Variants in SLC30A8 observed in about 807,000 individuals in gnomAD.
SLC30A8 encodes solute carrier family 30 member 8, also known as proton-coupled zinc antiporter SLC30A8.
In SLC30A8, 27 loss-of-function variants were observed where a neutral mutation model predicts 36.9. The ratio of observed to expected loss-of-function variants is 0.73; its 90% CI spans 0.54 to 1.01. The LOEUF is 1.01. Among genes scored for constraint, SLC30A8 ranks in the 50% least tolerant of loss-of-function variants. SLC30A8 has a pLI of 0.00. For missense variants in SLC30A8, 439 were observed against 452.0 expected, an observed-to-expected ratio of 0.97 and a Z score of 0.26; for synonymous variants, 164 against 172.4, an observed-to-expected ratio of 0.95 and a Z score of 0.38.
At chr8:117,094,936 C>T (rs1368248939) in intron 2 of SLC30A8, among the ~76,000 whole-genome samples, 3 of 152,248 alleles carry the variant, frequency 2.0e-5, no homozygotes, top group African/African-American at 7.2e-5. Flanking sequence ...TGAGTGTGTG[C>T]ACGCCTGGCC....
intron 2 of SLC30A8, among the ~76,000 whole-genome samples, chr8:117,062,234 G>A (rs1818040176): frequency 6.6e-6 from 1 of 152,200 alleles, no homozygotes; most frequent in Non-Finnish European, 1.5e-5. Flanking sequence ...AATGGCATGT[G>A]TGTTAGTTAG....
At chr8:117,121,067 A>T (rs1172805263) in intron 2 of SLC30A8, among the ~76,000 whole-genome samples, 3 of 151,870 alleles carry the variant, frequency 2.0e-5, no homozygotes, top group African/African-American at 7.2e-5. Flanking sequence ...TGCAGCCACT[A>T]TGGAAAATAA....
chr8:117,136,025 C>A (rs1482721738), intron 1 of SLC30A8, among the ~76,000 whole-genome samples: 1 of 151,864 alleles, frequency 6.6e-6, no homozygotes, highest in Non-Finnish European at 1.5e-5. Flanking sequence ...TGTCTAGTTT[C>A]AGATCTTTGT....
chr8:117,078,485 T>C (rs923544996), intron 2 of SLC30A8, among the ~76,000 whole-genome samples: 22 of 152,130 alleles, frequency 1.4e-4, no homozygotes, highest in Non-Finnish European at 2.9e-5. Flanking sequence ...TTTCTTTTTT[T>C]CCCCCATGTT....
At chr8:116,953,858 A>G (rs890612333) in intron 1 of SLC30A8, among the ~76,000 whole-genome samples, 1 of 152,152 alleles carries the variant, frequency 6.6e-6, no homozygotes, top group African/African-American at 2.4e-5. Context: ...TCTCTACTCC[A>G]TCTTAAAACT....
chr8:116,959,936 G>C (rs1814359688), intron 1 of SLC30A8, among the ~76,000 whole-genome samples: 2 of 152,152 alleles, frequency 1.3e-5, no homozygotes, highest in African/African-American at 4.8e-5. Flanking sequence ...TCACCTTTCT[G>C]TCCTGCAATC....
chr8:117,134,684 C>A (rs915943387), upstream of SLC30A8: 4 of 152,016 alleles, frequency 2.6e-5, no homozygotes, highest in African/African-American at 9.7e-5. Flanking sequence ...TCTTGCCAAT[C>A]AAAAGGATTT....
chr8:117,085,700 C>T, intron 2 of SLC30A8, among the ~76,000 whole-genome samples: 1 of 152,066 alleles, frequency 6.6e-6, no homozygotes, highest in East Asian at 1.9e-4. Context: ...TCAAGACAAT[C>T]CTAGCAGGTA....
At chr8:117,029,536 G>T (rs973153471) in intron 1 of SLC30A8, among the ~76,000 whole-genome samples, 2 of 152,094 alleles carry the variant, frequency 1.3e-5, no homozygotes, top group Non-Finnish European at 2.9e-5. Context: ...TAAAATTAAG[G>T]CTTTTAAATT....
intron 1 of SLC30A8, among the ~76,000 whole-genome samples, chr8:116,995,891 A>G (rs1045265939): frequency 2.0e-5 from 3 of 151,226 alleles, no homozygotes; most frequent in Non-Finnish European, 4.4e-5. Flanking sequence ...CCATCACTTG[A>G]TAGAAAAAAA....
intron 2 of SLC30A8, chr8:117,128,453 G>GCGCA (rs1403463924): frequency 2.0e-5 from 3 of 152,056 alleles, no homozygotes; most frequent in Admixed American, 6.6e-5. Context: ...GCTTGTGTGT[G>GCGCA]CGCACGCACG....
intron 6 of SLC30A8, among the ~76,000 whole-genome samples, chr8:117,167,492 T>C (rs1292144286): frequency 6.7e-6 from 1 of 149,182 alleles, no homozygotes; most frequent in Non-Finnish European, 1.5e-5. Context: ...TATATATATA[T>C]ACATACATAC....
intron 1 of SLC30A8, among the ~76,000 whole-genome samples, chr8:116,954,286 A>G (rs1814108284): frequency 6.6e-6 from 1 of 152,134 alleles, no homozygotes; most frequent in South Asian, 2.1e-4. Context: ...GGTGTCTTTG[A>G]TACATTTAAG....
At chr8:116,950,937 G>A (rs1289435462), upstream of SLC30A8, 1 of 152,208 alleles carries the variant, frequency 6.6e-6, no homozygotes, top group African/African-American at 2.4e-5. Flanking sequence ...TAGGTGTGCC[G>A]TGAGGCTATT....
rs537213970 is a variant in SLC30A8, at chr8:116,961,197, A to T, written c.-266+10078A>T. 8.3e-4 allele frequency among the ~76,000 whole-genome samples: 126 copies of T among 152,318 alleles called. 1 individual carries two copies. Among genetic ancestry groups the T allele is most frequent in the Admixed American group, 1.4e-3 (21 of 15,294 alleles). On this transcript the variant is annotated intron_variant, in intron 1 of 10. Transcript: ENST00000427715. ...GTAATCCCAGCACTTTGGGAGGCCGAGGTGGTTGGATCACGAGGTCAGGAG... is the reference window on the plus strand; with the variant it reads ...GTAATCCCAGCACTTTGGGAGGCCGTGGTGGTTGGATCACGAGGTCAGGAG...
At chr8:117,004,645 G>T (rs1563743723) in intron 1 of SLC30A8, among the ~76,000 whole-genome samples, 1 of 152,082 alleles carries the variant, frequency 6.6e-6, no homozygotes, top group South Asian at 2.1e-4. Flanking sequence ...ATCAATGAAA[G>T]ATTAGATTGG....
At chr8:116,963,833 A>T (rs1050298003) in intron 1 of SLC30A8, among the ~76,000 whole-genome samples, 3 of 152,222 alleles carry the variant, frequency 2.0e-5, no homozygotes, top group African/African-American at 7.2e-5. Context: ...AGGCACTACC[A>T]AATTGCTTTG....
intron 2 of SLC30A8, among the ~76,000 whole-genome samples, chr8:117,097,206 T>G (rs1288079026): frequency 6.6e-6 from 1 of 150,988 alleles, no homozygotes; most frequent in African/African-American, 2.4e-5. Context: ...GAGACCATCC[T>G]GGCTAACATG....
chr8:117,016,615 G>T (rs894325735), intron 1 of SLC30A8, among the ~76,000 whole-genome samples: 15 of 152,176 alleles, frequency 9.9e-5, no homozygotes, highest in Non-Finnish European at 1.5e-4. Flanking sequence ...TTTCAGCAGA[G>T]AATATCTGTA....
Sources: allele counts gnomAD v4.1 joint callset (sites outside exome capture counted in the v4.1 genomes callset), GRCh38; gene constraint gnomAD v4.1.1; transcripts MANE v1.5; gene names NCBI Gene and HGNC (gene_info 2026-07-23, HGNC 2026-07-21).